The following TFEC variants were observed in gnomAD, a reference collection of about 807,000 sequenced individuals.
TFEC encodes transcription factor EC.
Under a neutral mutation model 41.6 loss-of-function variants are expected in TFEC, and 31 were observed. The ratio of observed to expected loss-of-function variants is 0.74; its 90% confidence interval spans 0.56 to 1.01. The LOEUF (loss-of-function observed/expected upper bound fraction) is 1.01, where lower values mean the gene tolerates loss of function less well. Among genes scored for constraint, TFEC ranks in the 50% least tolerant of loss-of-function variants. The pLI is 0.00. For missense variants in TFEC, 402 were observed against 404.1 expected (o/e 0.99, Z 0.04); for synonymous variants, 143 against 140.6 (o/e 1.02, Z -0.12).
At chr7:116,044,882 C>A (rs957926751) in intron 3 of TFEC, among the ~76,000 whole-genome samples, 4 of 152,190 alleles carry the variant, frequency 2.6e-5, no homozygotes, top group African/African-American at 9.6e-5. Context: ...CACTCAGAAG[C>A]ACTGTCTACT....
intron 1 of TFEC, among the ~76,000 whole-genome samples, chr7:116,017,221 G>GT (rs972512066): frequency 1.3e-5 from 2 of 152,104 alleles, no homozygotes; most frequent in Admixed American, 6.5e-5. Flanking sequence ...TGCTTTCCAT[G>GT]TTTTTTTGTT....
In TFEC at chr7:116,060,666, AT is replaced by A. The variant is rs1796532975; in HGVS notation, c.198+50041del. Among the ~76,000 whole-genome samples, 9 of 152,210 alleles carry A rather than the reference AT, an allele frequency of 5.9e-5. No individual in the cohort carries two copies. The South Asian group carries it at 1.9e-3, about 32-fold the overall frequency. Reference sequence around the variant, plus strand: ...ACAAGTGGGAGCTAAATGATAAGAAATTATAACACAAAGAAGGAAAGAACAG... The same window carrying A: ...ACAAGTGGGAGCTAAATGATAAGAAATATAACACAAAGAAGGAAAGAACAG... On this transcript the variant is annotated intron_variant, in intron 3 of 8. Coordinates refer to the TFEC transcript ENST00000484212.
At chr7:115,947,305 A>C (rs943285424) in intron 6 of TFEC, among the ~76,000 whole-genome samples, 1 of 151,342 alleles carries the variant, frequency 6.6e-6, no homozygotes, top group African/African-American at 2.4e-5. Context: ...ACATTTTCTT[A>C]ATCCAGTCTA....
At chr7:115,998,175 G>A (rs1794442835) in intron 1 of TFEC, among the ~76,000 whole-genome samples, 1 of 151,806 alleles carries the variant, frequency 6.6e-6, no homozygotes, top group African/African-American at 2.4e-5. Flanking sequence ...AAACACCAAA[G>A]GTCAAGAATA....
intron 1 of TFEC, among the ~76,000 whole-genome samples, chr7:116,022,770 A>G (rs1029671191): frequency 1.3e-5 from 2 of 152,118 alleles, no homozygotes; most frequent in African/African-American, 4.8e-5. Context: ...TAATATCTTC[A>G]TAATTTATTT....
chr7:115,940,968 T>G (rs1224748930), intron 7 of TFEC, 37 bp from the exon 8 acceptor site: 4 of 1,526,132 alleles, frequency 2.6e-6, no homozygotes, highest in Non-Finnish European at 8.8e-7. Flanking sequence ...ATAATGTCTT[T>G]GAAATTGGAT....
At chr7:116,132,230 T>A (rs189888202) in intron 1 of TFEC, among the ~76,000 whole-genome samples, 2 of 152,210 alleles carry the variant, frequency 1.3e-5, no homozygotes, top group Non-Finnish European at 2.9e-5. Context: ...AAATTACTCA[T>A]GGAAATCCCC....
chr7:116,144,345 G>A (rs73448516), intron 1 of TFEC, among the ~76,000 whole-genome samples: 4,888 of 152,206 alleles, frequency 0.032, 267 homozygotes, highest in African/African-American at 0.11. Flanking sequence ...ACAGGTTTTG[G>A]CAAACTGAAT....
intron 3 of TFEC, among the ~76,000 whole-genome samples, chr7:116,041,405 T>G (rs1796034325): frequency 6.6e-6 from 1 of 152,186 alleles, no homozygotes; most frequent in Admixed American, 6.6e-5. Flanking sequence ...TTTGGGCATG[T>G]GTATTATGTG....
At position 115,938,460 on chromosome 7, in the gene TFEC, T is replaced by C. The variant is rs1793335437; in HGVS notation, c.*2091A>G. ...AGATGTATCTAATAGCTGTTTCACA[T>C]GGCATATTTCAGATGAATTTATCTA... is the stretch of plus-strand genomic sequence containing the variant. On this transcript the variant is annotated 3_prime_UTR_variant, in exon 8 of 8. Transcript: ENST00000265440. 6.6e-6 allele frequency: 1 copy of C among 151,960 alleles called. No homozygotes were observed. The highest frequency in any genetic ancestry group is 1.5e-5 in the Non-Finnish European group (1 of 67,900). 9.4% of individuals were successfully genotyped at this position (151,960 alleles called of 1,614,324 possible).
chr7:116,051,443 G>A (rs1017552263), intron 3 of TFEC, among the ~76,000 whole-genome samples: 4 of 152,062 alleles, frequency 2.6e-5, no homozygotes, highest in Non-Finnish European at 5.9e-5. Context: ...GGCTGAAGTC[G>A]AACTCTTAGC....
chr7:116,104,925 G>A (rs532927744), intron 3 of TFEC, among the ~76,000 whole-genome samples: 12 of 152,138 alleles, frequency 7.9e-5, no homozygotes, highest in South Asian at 2.1e-4. Flanking sequence ...TCTAAACATC[G>A]AAGACTTAGC....
chr7:116,158,455 T>G (rs749574618), intron 1 of TFEC, among the ~76,000 whole-genome samples: 1 of 152,138 alleles, frequency 6.6e-6, no homozygotes, highest in Non-Finnish European at 1.5e-5. Context: ...TTGTCAGCTT[T>G]ACGTAATTTA....
chr7:115,960,162 T>G (rs1250088183), intron 3 of TFEC, among the ~76,000 whole-genome samples: 1 of 151,444 alleles, frequency 6.6e-6, no homozygotes, highest in Non-Finnish European at 1.5e-5. Flanking sequence ...AAAGAAAGAT[T>G]GTGTACAAAG....
In TFEC at chr7:116,062,547, G is replaced by A. The variant is rs1433234310; in HGVS notation, c.198+48161C>T. Among the ~76,000 whole-genome samples the A allele has an allele frequency of 2.4e-5, 3 of 123,220 alleles. No homozygotes were observed. The East Asian group carries it at 7.3e-4, about 30-fold the overall frequency. 80.8% of individuals were successfully genotyped at this position (123,220 alleles called of 152,430 possible). On this transcript the variant is annotated intron_variant, in intron 3 of 8. Transcript: ENST00000484212. ...TGCAATTATTTCATTCCTTTTTATA[G>A]CTGAGTAGTACTCATATATATATAT...
chr7:116,112,882 T>C (rs569648269), intron 1 of TFEC, among the ~76,000 whole-genome samples: 60 of 152,082 alleles, frequency 3.9e-4, no homozygotes, highest in African/African-American at 1.3e-3. Context: ...AAGTTAATGA[T>C]AAGAAAAACT....
intron 3 of TFEC, among the ~76,000 whole-genome samples, chr7:116,083,664 A>C (rs1312427842): frequency 6.6e-6 from 1 of 151,984 alleles, no homozygotes; most frequent in Non-Finnish European, 1.5e-5. Flanking sequence ...AATGTCATTC[A>C]AATGGGAAAT....
chr7:116,011,514 T>A (rs146555566), intron 1 of TFEC, among the ~76,000 whole-genome samples: 2 of 152,196 alleles, frequency 1.3e-5, no homozygotes, highest in African/African-American at 4.8e-5. Context: ...AGAAATAGTA[T>A]GAAGAACTGT....
At chr7:116,136,493 T>G (rs945426518) in intron 1 of TFEC, among the ~76,000 whole-genome samples, 3 of 151,926 alleles carry the variant, frequency 2.0e-5, no homozygotes, top group Non-Finnish European at 1.5e-5. Context: ...TCATGAAATA[T>G]TTATTCTCAC....
Sources: gnomAD v4.1 joint callset for allele counts (sites outside exome capture counted in the v4.1 genomes callset) on GRCh38, gnomAD v4.1.1 for gene constraint, MANE v1.5 for transcripts, NCBI Gene and HGNC (gene_info 2026-07-23, HGNC 2026-07-21) for gene names.